MAPKAP1: variants seen among roughly 807,000 people sequenced by gnomAD.
MAPKAP1 encodes the protein MAPK associated protein 1, also known as target of rapamycin complex 2 subunit MAPKAP1.
Under a neutral mutation model 65.7 loss-of-function variants are expected in MAPKAP1, and 20 were observed. The observed-to-expected ratio is 0.30, with a 90% confidence interval of 0.21 to 0.44. The LOEUF is 0.44. MAPKAP1 is among the 20% of genes least tolerant of loss of function. The pLI, the probability that MAPKAP1 is intolerant of heterozygous loss-of-function variation, is 1.00. For missense variants in MAPKAP1, 423 were observed against 648.0 expected, an observed-to-expected ratio of 0.65 and a Z score of 3.77; for synonymous variants, 222 against 244.3, an observed-to-expected ratio of 0.91 and a Z score of 0.85.
intron 9 of MAPKAP1, among the ~76,000 whole-genome samples, chr9:125,474,414 C>T (rs1308700497): frequency 6.6e-6 from 1 of 152,174 alleles, no homozygotes; most frequent in Non-Finnish European, 1.5e-5. Flanking sequence ...GTCTCCAGGC[C>T]ACAAATTTGG....
At chr9:125,521,722 CA>C (rs1829623085) in intron 7 of MAPKAP1, 3 of 1,612,178 alleles carry the variant, frequency 1.9e-6, no homozygotes, top group Admixed American at 1.7e-5. Flanking sequence ...TTCCTTAACA[CA>C]GCCTTGACAG....
chr9:125,580,266 G>C (rs1457016519), intron 5 of MAPKAP1, among the ~76,000 whole-genome samples: 1 of 152,136 alleles, frequency 6.6e-6, no homozygotes, highest in East Asian at 1.9e-4. Flanking sequence ...ATTCACAATA[G>C]CAAAGACTTG....
intron 6 of MAPKAP1, among the ~76,000 whole-genome samples, chr9:125,545,095 A>AC (rs1459006267): frequency 6.6e-6 from 1 of 152,218 alleles, no homozygotes; most frequent in Non-Finnish European, 1.5e-5. Context: ...AGGCCTGAGA[A>AC]CTGTCAAGCT....
intron 1 of MAPKAP1, among the ~76,000 whole-genome samples, chr9:125,705,471 C>T (rs1336008100): frequency 6.6e-6 from 1 of 152,228 alleles, no homozygotes; most frequent in African/African-American, 2.4e-5. Context: ...GCACCTACCA[C>T]TGTCACAAGA....
intron 8 of MAPKAP1, among the ~76,000 whole-genome samples, chr9:125,494,653 C>T (rs1025987824): frequency 1.6e-4 from 24 of 152,198 alleles, no homozygotes; most frequent in African/African-American, 5.3e-4. Flanking sequence ...TCTTTCAGCA[C>T]ACTCTCCCTC....
chr9:125,643,062 G>A (rs1315393004), intron 4 of MAPKAP1, among the ~76,000 whole-genome samples: 6 of 151,918 alleles, frequency 3.9e-5, no homozygotes, highest in Non-Finnish European at 8.8e-5. Context: ...ACCACGTCTG[G>A]CTAATTTTTG....
chr9:125,593,586 C>T lies in MAPKAP1; in HGVS notation c.499-7859G>A, dbSNP rs186135165. On this transcript the variant is annotated intron_variant, in intron 4 of 11. Transcript: ENST00000265960. ...CTCAGGCAGGAGAATTGCTTGAACCCGGGAGGCAGAGGTTGCAGTGAGTAG... is the reference window on the plus strand; with the variant it reads ...CTCAGGCAGGAGAATTGCTTGAACCTGGGAGGCAGAGGTTGCAGTGAGTAG... Among the ~76,000 whole-genome samples the T allele has an allele frequency of 1.9e-4, 29 of 152,128 alleles. No homozygotes were observed. The East Asian group carries it at 2.1e-3, about 11-fold the overall frequency.
chr9:125,522,021 T>C (rs901552808), intron 7 of MAPKAP1, among the ~76,000 whole-genome samples: 1 of 152,208 alleles, frequency 6.6e-6, no homozygotes, highest in Non-Finnish European at 1.5e-5. Flanking sequence ...GATAATACAG[T>C]AGTTGTATGT....
chr9:125,541,805 A>C (rs548072600), intron 7 of MAPKAP1, among the ~76,000 whole-genome samples: 22 of 152,390 alleles, frequency 1.4e-4, no homozygotes, highest in African/African-American at 2.2e-4. Context: ...GATGAAATCA[A>C]GATTTATATG....
chr9:125,664,142 T>C (rs1361614628), intron 3 of MAPKAP1, among the ~76,000 whole-genome samples: 1 of 151,104 alleles, frequency 6.6e-6, no homozygotes, highest in African/African-American at 2.4e-5. Flanking sequence ...ATGTCAGGAG[T>C]TCGAGACCAG....
intron 8 of MAPKAP1, 78 bp downstream of exon 8, chr9:125,506,232 G>T: frequency 8.0e-7 from 1 of 1,249,670 alleles, no homozygotes; most frequent in Non-Finnish European, 1.2e-6. Flanking sequence ...AACCAGACCA[G>T]TGAGCGTTTC....
At chr9:125,494,714 A>G (rs760727096) in intron 8 of MAPKAP1, among the ~76,000 whole-genome samples, 4 of 152,056 alleles carry the variant, frequency 2.6e-5, no homozygotes, top group Non-Finnish European at 5.9e-5. Flanking sequence ...TTCTCATCTC[A>G]AAGCCTTCAG....
chr9:125,690,713 G>C (rs907973748), intron 1 of MAPKAP1, among the ~76,000 whole-genome samples: 3 of 152,130 alleles, frequency 2.0e-5, no homozygotes, highest in South Asian at 2.1e-4. Flanking sequence ...GTTCAAAGAG[G>C]GGGTAAAAGG....
chr9:125,640,166 C>T (rs1025414647), intron 4 of MAPKAP1, among the ~76,000 whole-genome samples: 1 of 151,998 alleles, frequency 6.6e-6, no homozygotes, highest in African/African-American at 2.4e-5. Flanking sequence ...TGCAGTGGCA[C>T]GATCTCTGCT....
intron 10 of MAPKAP1, among the ~76,000 whole-genome samples, chr9:125,464,946 T>C (rs1853624144): frequency 6.6e-6 from 1 of 152,222 alleles, no homozygotes; most frequent in Admixed American, 6.5e-5. Flanking sequence ...TTAAAAACCA[T>C]TTCTTTTCTG....
chr9:125,669,378 G>A (rs969100596), intron 3 of MAPKAP1, among the ~76,000 whole-genome samples: 2 of 152,042 alleles, frequency 1.3e-5, no homozygotes, highest in Non-Finnish European at 2.9e-5. Flanking sequence ...TACTGAGGAC[G>A]TTGAGGCAGG....
chr9:125,643,391 C>T (rs901577180), intron 4 of MAPKAP1, among the ~76,000 whole-genome samples: 20 of 152,098 alleles, frequency 1.3e-4, no homozygotes, highest in African/African-American at 4.8e-4. Flanking sequence ...GATGGGGTTT[C>T]ACCATGTTGG....
chr9:125,618,790 AT>A (rs1231933400), intron 4 of MAPKAP1, among the ~76,000 whole-genome samples: 1 of 152,202 alleles, frequency 6.6e-6, no homozygotes, highest in Admixed American at 6.5e-5. Context: ...ACTTAGAAGA[AT>A]TCAAAGACAT....
intron 8 of MAPKAP1, among the ~76,000 whole-genome samples, chr9:125,490,258 G>A (rs1022990716): frequency 4.6e-5 from 7 of 152,146 alleles, no homozygotes; most frequent in Admixed American, 2.0e-4. Context: ...TAAAAAGCTT[G>A]GCTGGGCGCA....
Sources: gnomAD v4.1 joint callset for allele counts (sites outside exome capture counted in the v4.1 genomes callset) on GRCh38, gnomAD v4.1.1 for gene constraint, MANE v1.5 for transcripts, NCBI Gene and HGNC (gene_info 2026-07-23, HGNC 2026-07-21) for gene names.